PTPN20: variants seen among roughly 807,000 people sequenced by gnomAD.
PTPN20 encodes tyrosine-protein phosphatase non-receptor type 20.
PTPN20 carries 9 observed loss-of-function variants against 35.0 expected under a neutral mutation model. That is an observed-to-expected ratio of 0.26 (90% CI 0.15 to 0.45). The LOEUF (loss-of-function observed/expected upper bound fraction) is 0.45, where lower values mean the gene tolerates loss of function less well. Ranked by LOEUF, PTPN20 falls within the 20% of genes least tolerant of loss-of-function variation. PTPN20 has a pLI of 1.00. For synonymous variants in PTPN20, 32 were observed against 100.2 expected, an observed-to-expected ratio of 0.32 and a Z score of 4.06; for missense variants, 111 against 312.5, an observed-to-expected ratio of 0.36 and a Z score of 4.86.
chr10:46,927,933 G>A (rs2038126408), intron 1 of PTPN20, among the ~76,000 whole-genome samples: 2 of 151,782 alleles, frequency 1.3e-5, no homozygotes, highest in African/African-American at 4.9e-5. Flanking sequence ...AGGTTCAGGA[G>A]GTTGGAGGGA....
chr10:46,963,687 C>T (rs1461138968), intron 5 of PTPN20, among the ~76,000 whole-genome samples: 3 of 95,664 alleles, frequency 3.1e-5, no homozygotes, highest in Non-Finnish European at 5.7e-5. Context: ...CTGAATTATT[C>T]ACTGGAAGGA....
At chr10:47,002,899 A>G (rs892947921), downstream of PTPN20, among the ~76,000 whole-genome samples, 2 of 151,972 alleles carry the variant, frequency 1.3e-5, no homozygotes, top group Non-Finnish European at 2.9e-5. Flanking sequence ...CTCAAAAGTT[A>G]TTTTAGTGAT....
chr10:46,953,245 T>G (rs1395775059), intron 5 of PTPN20, among the ~76,000 whole-genome samples: 1 of 145,124 alleles, frequency 6.9e-6, no homozygotes, highest in Non-Finnish European at 1.5e-5. Context: ...TTTAAATATA[T>G]TTTTTGGAAT....
At chr10:46,975,962 T>G (rs1470585668) in intron 7 of PTPN20, among the ~76,000 whole-genome samples, 2 of 151,582 alleles carry the variant, frequency 1.3e-5, no homozygotes, top group Non-Finnish European at 3.0e-5. Flanking sequence ...CACAGAGCTG[T>G]TTTGTTTCTT....
In PTPN20 at chr10:46,911,483, G is replaced by T. The variant is rs2031886814; in HGVS notation, c.-142G>T. 6 of 259,460 alleles carry T rather than the reference G, an allele frequency of 2.3e-5. No individual in the cohort carries two copies. Among genetic ancestry groups the T allele is most frequent in the South Asian group, 2.0e-4 (6 of 30,336 alleles). The allele number at this position is 259,460 out of a possible 1,614,324, so 16.1% of individuals were successfully genotyped here. ...GCTGGGGTTGCAGCGGGACAGTTGG[G>T]GCGGCCCCGCAGGCCCAGGTGAGGA... is the stretch of plus-strand genomic sequence containing the variant. On this transcript the variant is annotated 5_prime_UTR_variant, in exon 1 of 11. Transcript: ENST00000374339.
intron 2 of PTPN20, among the ~76,000 whole-genome samples, chr10:46,937,963 T>C (rs1241673685): frequency 8.7e-5 from 13 of 149,692 alleles, no homozygotes; most frequent in Non-Finnish European, 1.8e-4. Flanking sequence ...TTTTTTTTTT[T>C]TTCTTAGACA....
rs1281180462 is a variant in PTPN20 at position 46,993,439 on chromosome 10, T to C, written c.1134+5884T>C. On this transcript the variant is annotated intron_variant, in intron 9 of 10. Coordinates refer to ENST00000374339, the MANE Select transcript of PTPN20 (RefSeq NM_001042357.5). ...GTGCAGTAGACCTACAGATGGTTTG[T>C]TGATGCAGTAGGTCAGGGGTGTGAG... Among the ~76,000 whole-genome samples the C allele has an allele frequency of 2.0e-5, 3 of 152,314 alleles. No homozygotes were observed. The South Asian group carries it at 6.2e-4, about 32-fold the overall frequency.
chr10:46,947,352 C>A (rs2045220625), intron 5 of PTPN20, among the ~76,000 whole-genome samples: 1 of 150,656 alleles, frequency 6.6e-6, no homozygotes, highest in Non-Finnish European at 1.5e-5. Flanking sequence ...TTGGAAACAT[C>A]TTCTCTAATG....
rs1406292721 is a variant in PTPN20 at position 46,940,634 on chromosome 10, G to T, written c.46G>T (p.Glu16Ter). ...CCGCCTTTGTTCAGTAAACGATTAT[G>T]AGGGAAATGACTCTGAAGCAGAAGA... ...DFRAEPVNDYEGNDSEAEDLN... is the reference protein window; with the variant it reads ...DFRAEPVNDY The change falls in exon 3 of 11, where the codon GAG becomes TAG. Residue 16 changes from glutamate to a stop codon, truncating the protein, a stop_gained. Transcript: ENST00000374339. LOFTEE classifies it high-confidence loss of function. The T allele has an allele frequency of 6.2e-7, 1 of 1,610,974 alleles. No individual in the cohort carries two copies. The highest frequency in any genetic ancestry group is 8.5e-7 in the Non-Finnish European group (1 of 1,179,700).
chr10:46,918,586 T>A lies in PTPN20; in HGVS notation c.-124+7085T>A, dbSNP rs182580727. Among the ~76,000 whole-genome samples the A allele has an allele frequency of 8.1e-3, 1,019 of 125,290 alleles. 62 individuals are homozygous for A. The highest frequency in any genetic ancestry group is 0.03 in the Middle Eastern group (7 of 236). The allele number at this position is 125,290 out of a possible 152,430, so 82.2% of individuals were successfully genotyped here. A position where few individuals can be genotyped will look rare whatever the true frequency, so the allele number is the denominator to read the frequency against. ...CTAATTTTGATGTTGTATTTTTACC[T>A]TCATTCAATTCAGAATATTGTGTAA... On this transcript the variant is annotated intron_variant, in intron 1 of 10. Transcript: ENST00000374339.
intron 10 of PTPN20, 95 bp from the exon 11 acceptor site, chr10:47,000,581 C>T (rs2059927546): frequency 6.2e-6 from 9 of 1,459,938 alleles, no homozygotes; most frequent in Non-Finnish European, 8.6e-6. Context: ...TAGGAACTTT[C>T]CAGTGTGGCT....
At chr10:46,928,519 A>G (rs1488822802) in intron 1 of PTPN20, among the ~76,000 whole-genome samples, 2 of 152,230 alleles carry the variant, frequency 1.3e-5, no homozygotes, top group African/African-American at 4.8e-5. Context: ...TGCATTGGGC[A>G]GAACTGTCAG....
At chr10:46,919,014 A>T (rs2034093121) in intron 1 of PTPN20, among the ~76,000 whole-genome samples, 1 of 143,378 alleles carries the variant, frequency 7.0e-6, no homozygotes, top group South Asian at 2.4e-4. Flanking sequence ...CACATTTAGA[A>T]TTCCTATGTA....
At position 46,940,615 on chromosome 10, in the gene PTPN20, T is replaced by G; in HGVS notation, c.35-8T>G. On this transcript the variant is annotated splice_polypyrimidine_tract_variant and splice_region_variant and intron_variant, in intron 2 of 10. Transcript: ENST00000374339. ...ATTTGATCAGTTTTTCCCCCCGCCT[T>G]TGTTCAGTAAACGATTATGAGGGAA... 8 of 1,609,560 alleles carry G rather than the reference T, an allele frequency of 5.0e-6. No homozygotes were observed. The South Asian group carries it at 8.8e-5, about 18-fold the overall frequency.
At position 46,997,718 on chromosome 10, in the gene PTPN20, TA is replaced by T. The variant is rs1239941747; in HGVS notation, c.1135-2184del. 2.1e-4 allele frequency among the ~76,000 whole-genome samples: 30 copies of T among 144,316 alleles called. No individual in the cohort carries two copies. In the East Asian group the frequency reaches 3.2e-3, roughly 15 times the overall value. 94.7% of individuals were successfully genotyped at this position (144,316 alleles called of 152,430 possible). A position where few individuals can be genotyped will look rare whatever the true frequency, so the allele number is the denominator to read the frequency against. On this transcript the variant is annotated intron_variant, in intron 9 of 10. Coordinates refer to ENST00000374339, the MANE Select transcript of PTPN20 (RefSeq NM_001042357.5). ...TAAGGAACCCTCAAAAATCAATAGT[TA>T]AAAAAAAAAGAAAAACAGAAATGGG...
At chr10:46,954,714 C>A (rs1422689956) in intron 5 of PTPN20, among the ~76,000 whole-genome samples, 1 of 150,218 alleles carries the variant, frequency 6.7e-6, no homozygotes, top group African/African-American at 2.5e-5. Flanking sequence ...GTTTCCCTTA[C>A]TTTCTCATTG....
chr10:47,002,569 T>G (rs1383937625), downstream of PTPN20: 2 of 152,138 alleles, frequency 1.3e-5, no homozygotes, highest in South Asian at 2.1e-4. Context: ...TAATTTTATA[T>G]CAATAATGAA....
intron 5 of PTPN20, among the ~76,000 whole-genome samples, chr10:46,959,311 T>C (rs1370459015): frequency 7.0e-6 from 1 of 143,078 alleles, no homozygotes; most frequent in Non-Finnish European, 1.5e-5. Context: ...GATATTAATA[T>C]AGCTATTCAT....
intron 7 of PTPN20, among the ~76,000 whole-genome samples, chr10:46,983,390 T>G (rs1240526940): frequency 1.3e-5 from 2 of 150,878 alleles, no homozygotes; most frequent in Non-Finnish European, 2.9e-5. Context: ...TTCTGAGTAG[T>G]AAGGAGAGGT....
Sources: gnomAD v4.1 joint callset for allele counts (sites outside exome capture counted in the v4.1 genomes callset) on GRCh38, gnomAD v4.1.1 for gene constraint, MANE v1.5 for transcripts, NCBI Gene and HGNC (gene_info 2026-07-23, HGNC 2026-07-21) for gene names.